The following KIF27 variants were observed in gnomAD, a reference collection of about 807,000 sequenced individuals.
KIF27 encodes the protein kinesin-like protein KIF27.
KIF27 carries 84 observed loss-of-function variants against 141.8 expected under a neutral mutation model. The ratio of observed to expected loss-of-function variants is 0.59; its 90% CI spans 0.50 to 0.71. The LOEUF (loss-of-function observed/expected upper bound fraction) is 0.71. Among genes scored for constraint, KIF27 ranks in the 30% least tolerant of loss-of-function variants. KIF27 has a pLI of 0.00. For synonymous variants in KIF27, 471 were observed against 569.5 expected, an observed-to-expected ratio of 0.83 and a Z score of 2.46; for missense variants, 1,306 against 1,628.4, an observed-to-expected ratio of 0.80 and a Z score of 3.41.
chr9:83,844,969 G>C (rs1947066196), intron 16 of KIF27, among the ~76,000 whole-genome samples: 1 of 152,246 alleles, frequency 6.6e-6, no homozygotes, highest in African/African-American at 2.4e-5. Flanking sequence ...GACCTGAAAG[G>C]CTGCCAGTTT....
intron 3 of KIF27, among the ~76,000 whole-genome samples, chr9:83,906,084 A>G (rs1283504759): frequency 1.3e-5 from 2 of 152,112 alleles, no homozygotes; most frequent in Non-Finnish European, 1.5e-5. Flanking sequence ...AGCATGTATT[A>G]TTTTTGTAAC....
At chr9:83,920,122 T>G (rs970113872) in intron 1 of KIF27, among the ~76,000 whole-genome samples, 3 of 152,082 alleles carry the variant, frequency 2.0e-5, no homozygotes, top group African/African-American at 7.2e-5. Flanking sequence ...TCCCAGCTAC[T>G]TGGGAGGCTG....
chr9:83,886,501 T>A (rs564697824), intron 9 of KIF27, among the ~76,000 whole-genome samples: 2 of 152,118 alleles, frequency 1.3e-5, no homozygotes, highest in South Asian at 4.2e-4. Context: ...TTCTGCCAAC[T>A]AATAATAACA....
At chr9:83,896,772 AAAAT>A (rs1173698773) in intron 5 of KIF27, among the ~76,000 whole-genome samples, 2 of 152,248 alleles carry the variant, frequency 1.3e-5, no homozygotes, top group African/African-American at 4.8e-5. Context: ...TTGATCACGA[AAAAT>A]AAATAAATGA....
At chr9:83,908,714 A>G (rs912383649) in intron 2 of KIF27, 62 bp from the exon 3 acceptor site, 3 of 975,948 alleles carry the variant, frequency 3.1e-6, no homozygotes, top group Non-Finnish European at 3.0e-6. Flanking sequence ...CTACAACCCC[A>G]AATTTATAGT....
chr9:83,903,691 T>C lies in KIF27; in HGVS notation c.827A>G (p.Asn276Ser). ...QINSGLLALG[N>S]VISALGDPRR... ...TGGGTCCCCAAGAGCGCTTATTACA[T>C]TTCCTAAAGCCAGCAATCCACTATT... The change falls in exon 4 of 18, where the codon AAT becomes AGT. Residue 276 changes from asparagine (N) to serine (S), a missense_variant. Physicochemically the swap from Asn to Ser is conservative, Grantham distance 46. This residue lies in a region of KIF27 where 533 missense variants were observed against 565.6 expected (regional missense o/e 0.94). Coordinates refer to ENST00000297814, the MANE Select transcript of KIF27 (RefSeq NM_017576.4). 2 of 1,614,144 alleles carry C rather than the reference T, an allele frequency of 1.2e-6. No homozygotes were observed. Among genetic ancestry groups the C allele is most frequent in the Middle Eastern group, 3.3e-4 (2 of 6,062 alleles).
intron 16 of KIF27, chr9:83,848,637 G>A (rs1432606494): frequency 6.7e-6 from 1 of 148,796 alleles, no homozygotes; most frequent in Non-Finnish European, 1.5e-5. Flanking sequence ...ATGCTATTCT[G>A]TCCCTTTAGA....
chr9:83,843,959 T>C (rs945263345), intron 16 of KIF27, among the ~76,000 whole-genome samples: 3 of 151,844 alleles, frequency 2.0e-5, no homozygotes, highest in African/African-American at 7.3e-5. Flanking sequence ...GACTGAAAGA[T>C]GCCAAGTATT....
chr9:83,875,259 A>G (rs921675980), intron 11 of KIF27, among the ~76,000 whole-genome samples: 13 of 152,220 alleles, frequency 8.5e-5, no homozygotes, highest in Non-Finnish European at 1.5e-4. Context: ...TGAAGGCTTT[A>G]ATGGTTCATT....
chr9:83,907,799 A>G (rs916507444), intron 3 of KIF27, among the ~76,000 whole-genome samples: 11 of 152,152 alleles, frequency 7.2e-5, no homozygotes, highest in African/African-American at 2.7e-4. Flanking sequence ...CTCCAATCTC[A>G]TGGTAGAGCT....
chr9:83,883,823 A>G lies in KIF27; in HGVS notation c.2435T>C (p.Leu812Pro). 1.2e-6 allele frequency: 2 copies of G among 1,608,524 alleles called. No individual in the cohort carries two copies. Among genetic ancestry groups the G allele is most frequent in the Non-Finnish European group, 1.7e-6 (2 of 1,176,004 alleles). The change falls in exon 10 of 18, where the codon CTG becomes CCG. Residue 812 changes from leucine (L) to proline (P), a missense_variant. Coordinates refer to ENST00000297814, the MANE Select transcript of KIF27 (RefSeq NM_017576.4). ...EFRKKMDAAK[L>P]RVQVLQKKQQ... is the part of the protein sequence containing the mutation. Reference sequence around the variant, plus strand: ...CATTTTTTAAATTACCTGAACTCTCAGCTTTGCAGCATCCATCTTTTTACG... The same window carrying G: ...CATTTTTTAAATTACCTGAACTCTCGGCTTTGCAGCATCCATCTTTTTACG...
chr9:83,853,510 G>T, intron 15 of KIF27, 119 bp downstream of exon 15: 1 of 669,972 alleles, frequency 1.5e-6, no homozygotes, highest in Non-Finnish European at 2.5e-6. Flanking sequence ...GCTTAAATTT[G>T]TAGTTACATC....
chr9:83,891,542 T>C (rs1205681736), intron 5 of KIF27, 41 bp from the exon 6 acceptor site: 2 of 1,516,892 alleles, frequency 1.3e-6, no homozygotes, highest in South Asian at 1.2e-5. Flanking sequence ...ATAGAGCACT[T>C]CAGTACATTT....
intron 1 of KIF27, among the ~76,000 whole-genome samples, chr9:83,917,410 A>G (rs949523448): frequency 6.6e-5 from 10 of 152,218 alleles, no homozygotes; most frequent in East Asian, 1.9e-4. Context: ...TACAGACTCA[A>G]TGCAATACCT....
At chr9:83,892,276 G>A (rs1342269998) in intron 5 of KIF27, among the ~76,000 whole-genome samples, 1 of 152,072 alleles carries the variant, frequency 6.6e-6, no homozygotes, top group Non-Finnish European at 1.5e-5. Context: ...TAAATGCTGA[G>A]CAATAAAAAT....
At chr9:83,852,982 C>G in intron 15 of KIF27, among the ~76,000 whole-genome samples, 1 of 152,092 alleles carries the variant, frequency 6.6e-6, no homozygotes. Context: ...ATGTACTTTT[C>G]AGAGAAGACT....
At chr9:83,872,839 C>T (rs1447353052) in intron 11 of KIF27, among the ~76,000 whole-genome samples, 11 of 152,238 alleles carry the variant, frequency 7.2e-5, no homozygotes, top group African/African-American at 1.9e-4. Context: ...TGGGGAGAGA[C>T]GGGCTCCTAA....
chr9:83,889,703 G>A (rs1044690871), intron 6 of KIF27, among the ~76,000 whole-genome samples: 8 of 151,630 alleles, frequency 5.3e-5, no homozygotes, highest in East Asian at 1.9e-4. Context: ...ACCCAGAGCC[G>A]TCTCCACTCC....
At chr9:83,899,311 A>C (rs778751150) in intron 5 of KIF27, among the ~76,000 whole-genome samples, 2 of 152,236 alleles carry the variant, frequency 1.3e-5, no homozygotes, top group African/African-American at 4.8e-5. Flanking sequence ...AATACATTTT[A>C]AAGTTTAAAT....
Sources: allele counts gnomAD v4.1 joint callset (sites outside exome capture counted in the v4.1 genomes callset), GRCh38; gene constraint gnomAD v4.1.1; regional missense constraint gnomAD v4.1.1; transcripts MANE v1.5; gene names NCBI Gene and HGNC (gene_info 2026-07-23, HGNC 2026-07-21).